Variants in OPCML observed in about 807,000 individuals in gnomAD.
The protein encoded by OPCML is opioid binding protein/cell adhesion molecule like.
Under a neutral mutation model 37.8 loss-of-function variants are expected in OPCML, and 13 were observed. The ratio of observed to expected loss-of-function variants is 0.34; its 90% CI spans 0.22 to 0.55. The LOEUF (loss-of-function observed/expected upper bound fraction) is 0.55. Ranked by LOEUF, OPCML falls within the 20% of genes least tolerant of loss-of-function variation. The probability of loss-of-function intolerance (pLI) is 0.91; values close to 1 mark genes in which losing one functional copy is unlikely to be tolerated. For synonymous variants in OPCML, 176 were observed against 168.8 expected (o/e 1.04, Z -0.33); for missense variants, 341 against 435.6 (o/e 0.78, Z 1.93).
At chr11:133,150,233 C>G (rs1949958544) in intron 1 of OPCML, among the ~76,000 whole-genome samples, 1 of 152,236 alleles carries the variant, frequency 6.6e-6, no homozygotes, top group South Asian at 2.1e-4. Context: ...ATCACAAAGT[C>G]TAATGTGTAT....
Position 133,212,598 on chromosome 11 carries a change from C to T in OPCML, c.62-269588G>A, listed in dbSNP as rs1169136917. Among the ~76,000 whole-genome samples the T allele has an allele frequency of 1.3e-5, 2 of 152,232 alleles. No individual in the cohort carries two copies. The highest frequency in any genetic ancestry group is 1.3e-4 in the Admixed American group (2 of 15,284). On this transcript the variant is annotated intron_variant, in intron 1 of 7. Coordinates refer to ENST00000524381, the MANE Select transcript of OPCML (RefSeq NM_001012393.5). This position sits in a 1 kb window ranked among gnomAD's most constrained non-coding sequence, Gnocchi z 4.9. The stretch of plus-strand genomic sequence containing the variant: ...TCCCTTACTCTCTTTTACTTTCTCA[C>T]TTGTCCAAAGCCCTTGTCATCTTCT...
chr11:133,286,720 A>T lies in OPCML; in HGVS notation c.61+245544T>A, dbSNP rs547386941. On this transcript the variant is annotated intron_variant, in intron 1 of 7. Transcript: ENST00000524381. The stretch of plus-strand genomic sequence containing the variant: ...CACTAACCTCAAGAATGTGGAGCAG[A>T]CAGATGCATTTCCAGATAAAACGAA... 2.6e-5 allele frequency among the ~76,000 whole-genome samples: 4 copies of T among 152,284 alleles called. No homozygotes were observed. In the East Asian group the frequency reaches 7.7e-4, roughly 29 times the overall value.
At position 133,165,432 on chromosome 11, in the gene OPCML, G is replaced by A. The variant is rs181755924; in HGVS notation, c.62-222422C>T. 1.3e-3 allele frequency among the ~76,000 whole-genome samples: 205 copies of A among 152,232 alleles called. 1 individual carries two copies. The highest frequency in any genetic ancestry group is 9.7e-4 in the Non-Finnish European group (66 of 68,008). Reference sequence around the variant, plus strand: ...AGACCCTCCCTGGCCAGGGACCCTTGTTTCAACGAAGGGTTCCTTTTCCCT... The same window carrying A: ...AGACCCTCCCTGGCCAGGGACCCTTATTTCAACGAAGGGTTCCTTTTCCCT... On this transcript the variant is annotated intron_variant, in intron 1 of 7. Coordinates refer to ENST00000524381, the MANE Select transcript of OPCML (RefSeq NM_001012393.5).
intron 2 of OPCML, among the ~76,000 whole-genome samples, chr11:132,894,410 C>T (rs994805942): frequency 2.0e-4 from 31 of 152,228 alleles, no homozygotes; most frequent in Middle Eastern, 3.2e-3. Flanking sequence ...GCACTGTCTT[C>T]TTAATTTCTT....
At chr11:132,551,591 G>T (rs2096381807) in intron 3 of OPCML, among the ~76,000 whole-genome samples, 1 of 152,128 alleles carries the variant, frequency 6.6e-6, no homozygotes. Flanking sequence ...TGCAAACCCT[G>T]CATTTGATGG....
chr11:132,631,332 GA>G (rs998221628), intron 3 of OPCML, among the ~76,000 whole-genome samples: 23 of 120,484 alleles, frequency 1.9e-4, no homozygotes, highest in South Asian at 1.1e-3. Flanking sequence ...AATGTTAAAA[GA>G]AAAAAATAAC....
intron 1 of OPCML, among the ~76,000 whole-genome samples, chr11:133,163,394 T>C (rs1486217064): frequency 1.3e-5 from 2 of 152,226 alleles, no homozygotes; most frequent in African/African-American, 4.8e-5. Context: ...CAGGAAAATA[T>C]GAGGCAGTGC....
At chr11:133,397,610 C>G (rs1945316110) in intron 1 of OPCML, among the ~76,000 whole-genome samples, 1 of 152,192 alleles carries the variant, frequency 6.6e-6, no homozygotes, top group South Asian at 2.1e-4. Flanking sequence ...TGAGTTAGTG[C>G]CAGCTAAGGC....
intron 1 of OPCML, among the ~76,000 whole-genome samples, chr11:133,311,773 G>T (rs756229287): frequency 3.1e-4 from 47 of 152,156 alleles, no homozygotes; most frequent in Non-Finnish European, 6.0e-4. Context: ...CCCAGGTTTG[G>T]GGAAACTGGG....
chr11:132,650,314 C>T (rs1181719830), intron 3 of OPCML, among the ~76,000 whole-genome samples: 8 of 152,112 alleles, frequency 5.3e-5, no homozygotes, highest in Non-Finnish European at 7.4e-5. Context: ...ATTGTGCCAT[C>T]GGCGGGTGAA....
chr11:133,431,364 A>G (rs1230248361), intron 1 of OPCML, among the ~76,000 whole-genome samples: 5 of 152,198 alleles, frequency 3.3e-5, no homozygotes, highest in Admixed American at 1.3e-4. Context: ...TTTGAGAGAG[A>G]CACAGCTATT....
chr11:132,550,854 T>C lies in OPCML; in HGVS notation c.380-21668A>G, dbSNP rs76661966. On this transcript the variant is annotated intron_variant, in intron 3 of 7. Transcript: ENST00000524381. ...ATAATATGTGCATGCCAGGAAACAT[T>C]TGAACAGGACCATGATGTCCCCTTT... is the stretch of plus-strand genomic sequence containing the variant. Among the ~76,000 whole-genome samples the C allele has an allele frequency of 7.5e-3, 1,143 of 152,328 alleles. 20 individuals are homozygous for C. The highest frequency in any genetic ancestry group is 0.025 in the African/African-American group (1,030 of 41,566).
At chr11:133,187,683 G>C (rs1451113779) in intron 1 of OPCML, among the ~76,000 whole-genome samples, 1 of 152,190 alleles carries the variant, frequency 6.6e-6, no homozygotes, top group Non-Finnish European at 1.5e-5. Flanking sequence ...GTGCAATGCA[G>C]TCTAGAGCTA....
chr11:133,167,663 C>T (rs1021254544), intron 1 of OPCML, among the ~76,000 whole-genome samples: 2 of 151,924 alleles, frequency 1.3e-5, no homozygotes, highest in Non-Finnish European at 2.9e-5. Context: ...CAGGGTGATT[C>T]GTCCACTGTG....
At chr11:132,543,878 C>A (rs1354171136) in intron 3 of OPCML, among the ~76,000 whole-genome samples, 1 of 152,114 alleles carries the variant, frequency 6.6e-6, no homozygotes, top group Non-Finnish European at 1.5e-5. Context: ...ATTATATAAG[C>A]CTTTTTTCAA....
At chr11:133,491,366 C>T (rs1025395551) in intron 1 of OPCML, among the ~76,000 whole-genome samples, 2 of 152,136 alleles carry the variant, frequency 1.3e-5, no homozygotes, top group African/African-American at 4.8e-5. Context: ...CCACGACACA[C>T]TAGGTGAGGG....
chr11:133,493,497 C>T (rs1015656597), intron 1 of OPCML, among the ~76,000 whole-genome samples: 3 of 152,078 alleles, frequency 2.0e-5, no homozygotes, highest in Non-Finnish European at 4.4e-5. Context: ...CATTTTATAA[C>T]CCATGAATAT....
At chr11:133,410,953 C>A (rs1472036383) in intron 1 of OPCML, among the ~76,000 whole-genome samples, 2 of 152,092 alleles carry the variant, frequency 1.3e-5, no homozygotes, top group African/African-American at 4.8e-5. Context: ...AGGCATGGTG[C>A]CCAAAAGTTA....
intron 1 of OPCML, among the ~76,000 whole-genome samples, chr11:133,489,582 G>A (rs746577027): frequency 2.6e-5 from 4 of 152,142 alleles, no homozygotes; most frequent in South Asian, 2.1e-4. Context: ...AACAACAGGT[G>A]TTAGTGAGGA....
Sources: allele counts gnomAD v4.1 joint callset (sites outside exome capture counted in the v4.1 genomes callset), GRCh38; gene constraint gnomAD v4.1.1; non-coding constraint Gnocchi (gnomAD v3.1); transcripts MANE v1.5; gene names NCBI Gene and HGNC (gene_info 2026-07-23, HGNC 2026-07-21).